The following MTCL3 variants were observed in gnomAD, a reference collection of about 807,000 sequenced individuals.
The protein encoded by MTCL3 is MTCL family member 3, also known as microtubule cross-linking factor 3.
chr6:127,481,872 G>T, the MTCL3 span, among the ~76,000 whole-genome samples: 1 of 152,192 alleles, frequency 6.6e-6, no homozygotes, highest in African/African-American at 2.4e-5. Flanking sequence ...CAAGATACAG[G>T]TCATAAAGAC....
At chr6:127,515,845 G>A in the MTCL3 span, 2 of 1,611,764 alleles carry the variant, frequency 1.2e-6, no homozygotes, top group South Asian at 2.2e-5. This position sits in a 1 kb window ranked among gnomAD's most constrained non-coding sequence, Gnocchi z 4.3. Flanking sequence ...GATGAGCTCA[G>A]ACTGCAGACA....
At chr6:127,490,355 T>G in the MTCL3 span, among the ~76,000 whole-genome samples, 2 of 152,152 alleles carry the variant, frequency 1.3e-5, no homozygotes, top group African/African-American at 4.8e-5. Flanking sequence ...TAACACAAAA[T>G]CCATTCTGCA....
the MTCL3 span, among the ~76,000 whole-genome samples, chr6:127,500,339 T>C: frequency 6.6e-6 from 1 of 152,192 alleles, no homozygotes; most frequent in Admixed American, 6.5e-5. Flanking sequence ...CATTCCTGTG[T>C]GAAATCAACC....
At chr6:127,503,590 A>G in the MTCL3 span, among the ~76,000 whole-genome samples, 2 of 152,224 alleles carry the variant, frequency 1.3e-5, no homozygotes, top group Non-Finnish European at 2.9e-5. Flanking sequence ...CTGATGCCCA[A>G]GATGTCAGAG....
At chr6:127,515,788 G>T in the MTCL3 span, 6 of 1,607,620 alleles carry the variant, frequency 3.7e-6, no homozygotes, top group East Asian at 1.3e-4. This position sits in a 1 kb window ranked among gnomAD's most constrained non-coding sequence, Gnocchi z 4.3. Flanking sequence ...GTGCATCTGA[G>T]CCGCGGCCGC....
At chr6:127,482,802 C>A in the MTCL3 span, 1 of 756,278 alleles carries the variant, frequency 1.3e-6, no homozygotes, top group South Asian at 2.7e-5. This position sits in a 1 kb window ranked among gnomAD's most constrained non-coding sequence, Gnocchi z 4.1. Context: ...GCAAATTTGA[C>A]TTTGTTTTGC....
At chr6:127,508,675 C>A in the MTCL3 span, among the ~76,000 whole-genome samples, 3 of 152,132 alleles carry the variant, frequency 2.0e-5, no homozygotes, top group African/African-American at 7.2e-5. Flanking sequence ...ATAAACAGTT[C>A]TCATCATCAT....
chr6:127,516,539 G>A, the MTCL3 span: 2 of 1,598,946 alleles, frequency 1.3e-6, no homozygotes, highest in Non-Finnish European at 8.5e-7. Flanking sequence ...GGGTGCAGAC[G>A]AGCCTCAGTG....
the MTCL3 span, chr6:127,516,205 C>T: frequency 7.0e-7 from 1 of 1,432,430 alleles, no homozygotes; most frequent in South Asian, 1.5e-5. Context: ...GGGCCTCCTG[C>T]CGCCCAAAGC....
the MTCL3 span, among the ~76,000 whole-genome samples, chr6:127,483,939 T>C: frequency 4.6e-5 from 7 of 152,312 alleles, no homozygotes; most frequent in South Asian, 4.1e-4. Flanking sequence ...ACAATTACAG[T>C]GCAAATTGAT....
the MTCL3 span, chr6:127,481,386 G>A: frequency 1.0e-6 from 1 of 985,328 alleles, no homozygotes; most frequent in African/African-American, 1.7e-5. Context: ...GGAACAGAGA[G>A]AAAGGTACAA....
the MTCL3 span, among the ~76,000 whole-genome samples, chr6:127,483,900 A>G: frequency 6.6e-6 from 1 of 152,186 alleles, no homozygotes; most frequent in African/African-American, 2.4e-5. Flanking sequence ...GGAAGCTGAA[A>G]CTTAGCAGGG....
chr6:127,493,136 T>C, the MTCL3 span, among the ~76,000 whole-genome samples: 2 of 152,240 alleles, frequency 1.3e-5, no homozygotes, highest in Non-Finnish European at 2.9e-5. Context: ...ACTTTGTTTA[T>C]CATTCTGTTT....
the MTCL3 span, among the ~76,000 whole-genome samples, chr6:127,504,263 G>A: frequency 1.3e-5 from 2 of 152,150 alleles, no homozygotes; most frequent in African/African-American, 2.4e-5. Context: ...TTCATGAGAA[G>A]TATTTGGTAT....
chr6:127,490,008 C>T, the MTCL3 span, among the ~76,000 whole-genome samples: 2 of 152,230 alleles, frequency 1.3e-5, no homozygotes, highest in African/African-American at 4.8e-5. Flanking sequence ...CAATGCCTAG[C>T]TTCAAAGCTT....
the MTCL3 span, among the ~76,000 whole-genome samples, chr6:127,511,545 C>A: frequency 2.0e-5 from 3 of 152,120 alleles, no homozygotes; most frequent in African/African-American, 7.2e-5. Flanking sequence ...CAAAAACAAT[C>A]TTTCAGTGTA....
At chr6:127,506,045 A>C in the MTCL3 span, among the ~76,000 whole-genome samples, 2 of 152,186 alleles carry the variant, frequency 1.3e-5, no homozygotes, top group African/African-American at 4.8e-5. Flanking sequence ...CATATTAAAA[A>C]CTGAGGCCTA....
At chr6:127,514,058 G>A in the MTCL3 span, among the ~76,000 whole-genome samples, 1 of 152,172 alleles carries the variant, frequency 6.6e-6, no homozygotes, top group Non-Finnish European at 1.5e-5. Context: ...TACTTATTTG[G>A]TTGTGCAAGG....
At chr6:127,516,561 GGGAGAAGCTGCTGCTGTGGCA>G in the MTCL3 span, 9 of 1,597,902 alleles carry the variant, frequency 5.6e-6, no homozygotes, top group South Asian at 9.9e-5. Context: ...CTGCAGCGGC[GGGAGAAGCTGCTGCTGTGGCA>G]GGGGCAGCGC....
Sources: allele counts gnomAD v4.1 joint callset (sites outside exome capture counted in the v4.1 genomes callset), GRCh38; gene constraint gnomAD v4.1.1; non-coding constraint Gnocchi (gnomAD v3.1); transcripts MANE v1.5; gene names NCBI Gene and HGNC (gene_info 2026-07-23, HGNC 2026-07-21).